The following LGR4 variants were observed in gnomAD, a reference collection of about 807,000 sequenced individuals.
LGR4 encodes leucine-rich repeat-containing G protein-coupled receptor 4.
In LGR4, 44 loss-of-function variants were observed where a neutral mutation model predicts 84.8. The ratio of observed to expected loss-of-function variants is 0.52; its 90% CI spans 0.41 to 0.67. The LOEUF is 0.67. Ranked by LOEUF, LGR4 falls within the 30% of genes least tolerant of loss-of-function variation. The pLI, the probability that LGR4 is intolerant of heterozygous loss-of-function variation, is 0.00. For missense variants in LGR4, 1,032 were observed against 1,131.4 expected (o/e 0.91, Z 1.26); for synonymous variants, 429 against 434.3 (o/e 0.99, Z 0.15).
intron 1 of LGR4, among the ~76,000 whole-genome samples, chr11:27,413,404 G>T (rs1278669542): frequency 6.6e-6 from 1 of 152,152 alleles, no homozygotes; most frequent in African/African-American, 2.4e-5. Context: ...GTGCGTACAT[G>T]ATAGGTATGT....
rs996137962 is a variant in LGR4, at chr11:27,415,768, C to T, written c.186-2908G>A. ...GTGGTGAGCTACAAGATGTTATCTC[C>T]GGAGAAGCTCTGGAAACCTGTAGTT... On this transcript the variant is annotated intron_variant, in intron 1 of 17. Transcript: ENST00000379214. Among the ~76,000 whole-genome samples, 7 of 152,042 alleles carry T rather than the reference C, an allele frequency of 4.6e-5. 1 individual carries two copies. Among genetic ancestry groups the T allele is most frequent in the South Asian group, 2.1e-4 (1 of 4,810 alleles).
intron 1 of LGR4, among the ~76,000 whole-genome samples, chr11:27,417,141 G>A (rs1375323991): frequency 6.6e-6 from 1 of 151,924 alleles, no homozygotes; most frequent in African/African-American, 2.4e-5. Flanking sequence ...AAACTGTACT[G>A]CTACTACTAT....
At chr11:27,378,835 T>C (rs1421350931) in intron 10 of LGR4, 67 bp from the exon 11 acceptor site, 3 of 1,089,754 alleles carry the variant, frequency 2.8e-6, no homozygotes, top group Admixed American at 3.7e-5. Context: ...TTTATTCCCA[T>C]ATAGAATAAG....
chr11:27,390,994 T>C, intron 4 of LGR4, 100 bp downstream of exon 4: 2 of 712,746 alleles, frequency 2.8e-6, no homozygotes, highest in Non-Finnish European at 4.7e-6. Context: ...TTATCTCAGA[T>C]GAAAGGATAA....
chr11:27,385,546 T>A, intron 4 of LGR4, 78 bp from the exon 5 acceptor site: 1 of 865,162 alleles, frequency 1.2e-6, no homozygotes, highest in Non-Finnish European at 1.7e-6. Flanking sequence ...AACTCAAAGC[T>A]TTCAAAACAA....
In LGR4 at chr11:27,450,840, T is replaced by C. The variant is rs530635120; in HGVS notation, c.185+21278A>G. Among the ~76,000 whole-genome samples, 4 of 152,304 alleles carry C rather than the reference T, an allele frequency of 2.6e-5. No individual in the cohort carries two copies. The East Asian group carries it at 7.7e-4, about 29-fold the overall frequency. ...CTCACATCCATTCCTTGCTTTGGGA[T>C]GCTAGATGCAATGCACCTATATTTA... On this transcript the variant is annotated intron_variant, in intron 1 of 17. Transcript: ENST00000379214.
At chr11:27,370,958 C>T (rs970458328) in intron 17 of LGR4, among the ~76,000 whole-genome samples, 30 of 152,294 alleles carry the variant, frequency 2.0e-4, no homozygotes, top group African/African-American at 7.0e-4. Flanking sequence ...TCATAAAATA[C>T]ATACGCAGCC....
intron 17 of LGR4, among the ~76,000 whole-genome samples, chr11:27,371,078 G>T (rs1590340767): frequency 6.6e-6 from 1 of 151,968 alleles, no homozygotes; most frequent in African/African-American, 2.4e-5. Context: ...ACCAACAAAG[G>T]AATCTACTTT....
chr11:27,425,036 C>A (rs1863996929), intron 1 of LGR4, among the ~76,000 whole-genome samples: 1 of 152,148 alleles, frequency 6.6e-6, no homozygotes, highest in Non-Finnish European at 1.5e-5. Context: ...GCGTGAGACA[C>A]CTGCCTGGCG....
In LGR4 at chr11:27,376,338, T is replaced by G. The variant is rs1298639354; in HGVS notation, c.1142A>C (p.Lys381Thr). 3.8e-6 allele frequency: 6 copies of G among 1,579,108 alleles called. No homozygotes were observed. Among genetic ancestry groups the G allele is most frequent in the Non-Finnish European group, 5.2e-6 (6 of 1,153,336 alleles). Residue 381 changes from lysine to threonine, a missense_variant, in exon 13 of 18, where the codon AAG becomes ACG. By Grantham distance (78) the Lys-to-Thr change is moderately conservative. Transcript: ENST00000379214. ...TATCAGGCCTTGAAAGGTGCCTTCC[T>G]TTATTTGGTAGATTTGATTACGCTG... is the stretch of plus-strand genomic sequence containing the variant. The part of the protein sequence containing the change: ...SLQRNQIYQI[K>T]EGTFQGLISL...
At chr11:27,442,194 C>T (rs1470132024) in intron 1 of LGR4, among the ~76,000 whole-genome samples, 1 of 152,082 alleles carries the variant, frequency 6.6e-6, no homozygotes, top group Non-Finnish European at 1.5e-5. Context: ...CAAGCAAGGG[C>T]TTGGGATTAA....
chr11:27,383,138 G>A (rs1478134202), intron 6 of LGR4, among the ~76,000 whole-genome samples: 3 of 152,196 alleles, frequency 2.0e-5, no homozygotes, highest in African/African-American at 4.8e-5. Flanking sequence ...AGAAAGACAA[G>A]CCATAGTGAT....
In LGR4 at chr11:27,418,832, CTTTTTTT is replaced by C. The variant is rs55877673; in HGVS notation, c.186-5979_186-5973del. On this transcript the variant is annotated intron_variant, in intron 1 of 17. Coordinates refer to ENST00000379214, the MANE Select transcript of LGR4 (RefSeq NM_018490.5). The stretch of plus-strand genomic sequence containing the variant: ...ATCATCTACTTTCGTGGATTGAAAT[CTTTTTTT>C]TTTTTTTTTTTGAGACTGGAGTCTC... Among the ~76,000 whole-genome samples the C allele has an allele frequency of 6.0e-3, 778 of 128,762 alleles. 5 individuals are homozygous for C. Among genetic ancestry groups the C allele is most frequent in the Non-Finnish European group, 7.8e-3 (485 of 61,956 alleles). 84.5% of individuals were successfully genotyped at this position (128,762 alleles called of 152,430 possible).
At chr11:27,421,328 A>C (rs1205138453) in intron 1 of LGR4, among the ~76,000 whole-genome samples, 1 of 152,180 alleles carries the variant, frequency 6.6e-6, no homozygotes, top group Non-Finnish European at 1.5e-5. Context: ...TCCTAGCTGT[A>C]TGTGTAGGCC....
intron 1 of LGR4, among the ~76,000 whole-genome samples, chr11:27,423,033 T>C (rs904808960): frequency 2.6e-5 from 4 of 152,154 alleles, no homozygotes; most frequent in African/African-American, 9.7e-5. Context: ...CATAAAATGT[T>C]TATACATAAC....
At chr11:27,436,371 A>G (rs551552121) in intron 1 of LGR4, among the ~76,000 whole-genome samples, 85 of 139,994 alleles carry the variant, frequency 6.1e-4, no homozygotes, top group Admixed American at 4.9e-3. Flanking sequence ...GAAAGAAAGA[A>G]AGAGAGAGAG....
chr11:27,410,628 T>G (rs1863692794), intron 2 of LGR4, among the ~76,000 whole-genome samples: 2 of 152,132 alleles, frequency 1.3e-5, no homozygotes, highest in South Asian at 4.1e-4. Context: ...TTATATTTAT[T>G]TTAGTATTTA....
At chr11:27,377,300 T>A (rs1010657861) in intron 11 of LGR4, 77 bp from the exon 12 acceptor site, 1 of 724,070 alleles carries the variant, frequency 1.4e-6, no homozygotes, top group Non-Finnish European at 2.3e-6. Context: ...TCAGAAGCGT[T>A]GAAAGCAGAG....
intron 1 of LGR4, among the ~76,000 whole-genome samples, chr11:27,422,716 C>T (rs375939345): frequency 7.2e-5 from 11 of 152,284 alleles, no homozygotes; most frequent in African/African-American, 2.4e-4. Flanking sequence ...ATTACAGCTG[C>T]CTTCCTAGTA....
Sources: gnomAD v4.1 joint callset for allele counts (sites outside exome capture counted in the v4.1 genomes callset) on GRCh38, gnomAD v4.1.1 for gene constraint, MANE v1.5 for transcripts, NCBI Gene and HGNC (gene_info 2026-07-23, HGNC 2026-07-21) for gene names.